SULT2B1: variants seen among roughly 807,000 people sequenced by gnomAD.
SULT2B1 encodes sulfotransferase 2B1.
Under a neutral mutation model 33.2 loss-of-function variants are expected in SULT2B1, and 16 were observed. That is an observed-to-expected ratio of 0.48 (90% CI 0.33 to 0.73). The LOEUF is 0.73. SULT2B1 is among the 30% of genes least tolerant of loss of function. The pLI is 0.02. For synonymous variants in SULT2B1, 186 were observed against 200.5 expected (o/e 0.93, Z 0.61); for missense variants, 500 against 506.0 (o/e 0.99, Z 0.11).
At chr19:48,563,399 G>C (rs1206044776) in intron 1 of SULT2B1, among the ~76,000 whole-genome samples, 1 of 152,026 alleles carries the variant, frequency 6.6e-6, no homozygotes, top group Admixed American at 6.6e-5. Context: ...AAACCGCCGA[G>C]GTGTCCATTA....
intron 2 of SULT2B1, among the ~76,000 whole-genome samples, chr19:48,577,382 T>TTTTTTTTTTG (rs1163610936): frequency 3.0e-5 from 4 of 132,528 alleles, no homozygotes; most frequent in Admixed American, 7.9e-5. Context: ...TTTTTTTTTT[T>TTTTTTTTTTG]AGAGACAGAG....
At chr19:48,558,218 A>G (rs1352135252) in intron 1 of SULT2B1, among the ~76,000 whole-genome samples, 1 of 152,200 alleles carries the variant, frequency 6.6e-6, no homozygotes, top group Non-Finnish European at 1.5e-5. Flanking sequence ...AGCAGGGCGT[A>G]GCCAGGATTT....
chr19:48,558,636 CCCTGCCAGTCATGAG>C (rs1973134698), intron 1 of SULT2B1, among the ~76,000 whole-genome samples: 1 of 151,906 alleles, frequency 6.6e-6, no homozygotes, highest in East Asian at 1.9e-4. Flanking sequence ...ATGGCCAAAG[CCCTGCCAGTCATGAG>C]GCTGCTTTTT....
At chr19:48,554,225 A>G (rs1400466325) in intron 1 of SULT2B1, among the ~76,000 whole-genome samples, 1 of 151,182 alleles carries the variant, frequency 6.6e-6, no homozygotes, top group African/African-American at 2.4e-5. Context: ...CTCCCCAGCG[A>G]GCCTGCTGGA....
At chr19:48,570,604 G>C (rs1023494197) in intron 1 of SULT2B1, among the ~76,000 whole-genome samples, 2 of 152,194 alleles carry the variant, frequency 1.3e-5, no homozygotes, top group Non-Finnish European at 2.9e-5. Context: ...CTATAAACAT[G>C]AGTGTAGATG....
intron 2 of SULT2B1, among the ~76,000 whole-genome samples, chr19:48,585,775 C>A (rs1471407243): frequency 1.3e-5 from 2 of 152,084 alleles, no homozygotes; most frequent in Admixed American, 1.3e-4. Flanking sequence ...CACATGTATA[C>A]ATATGTAACT....
intron 2 of SULT2B1, among the ~76,000 whole-genome samples, chr19:48,579,963 G>A (rs1286579013): frequency 4.0e-5 from 6 of 151,528 alleles, no homozygotes; most frequent in Non-Finnish European, 8.8e-5. Context: ...TCGATCTTTC[G>A]CTCAGGCTGG....
At chr19:48,558,216 G>A (rs1053045652) in intron 1 of SULT2B1, among the ~76,000 whole-genome samples, 3 of 152,316 alleles carry the variant, frequency 2.0e-5, no homozygotes, top group Non-Finnish European at 4.4e-5. Flanking sequence ...CAAGCAGGGC[G>A]TAGCCAGGAT....
intron 1 of SULT2B1, among the ~76,000 whole-genome samples, chr19:48,554,546 C>CCA (rs1185850769): frequency 6.7e-6 from 1 of 149,794 alleles, no homozygotes; most frequent in Non-Finnish European, 1.5e-5. Flanking sequence ...CTTGGCTGTC[C>CCA]CAGGCTGCTC....
chr19:48,573,322 C>T (rs1409607624), intron 1 of SULT2B1, among the ~76,000 whole-genome samples: 1 of 151,994 alleles, frequency 6.6e-6, no homozygotes, highest in South Asian at 2.1e-4. Flanking sequence ...CTTAATTGTC[C>T]CTTTCATTCC....
intron 1 of SULT2B1, among the ~76,000 whole-genome samples, chr19:48,561,686 G>A (rs548340494): frequency 1.4e-4 from 21 of 152,220 alleles, no homozygotes; most frequent in African/African-American, 4.6e-4. Context: ...AGTGGGACTC[G>A]GATGGGCAGG....
chr19:48,596,933 G>A lies in SULT2B1; in HGVS notation c.826+14G>A. 1.3e-6 allele frequency: 2 copies of A among 1,566,934 alleles called. No individual in the cohort carries two copies. The highest frequency in any genetic ancestry group is 2.0e-4 in the Middle Eastern group (1 of 5,078). The stretch of plus-strand genomic sequence containing the variant: ...TCCTCCGGAAAGGTGCGGGGGTTCT[G>A]GGGTTCAGAGCCCACTAGGCCACTG... On this transcript the variant is annotated intron_variant, in intron 6 of 6. Coordinates refer to ENST00000201586, the MANE Select transcript of SULT2B1 (RefSeq NM_177973.2).
chr19:48,561,510 G>GGA (rs200751025), intron 1 of SULT2B1, among the ~76,000 whole-genome samples: 1 of 151,468 alleles, frequency 6.6e-6, no homozygotes, highest in African/African-American at 2.4e-5. Flanking sequence ...ATGCTGGAAG[G>GGA]GAGAGAGAGA....
At chr19:48,558,509 G>A (rs1973132621) in intron 1 of SULT2B1, among the ~76,000 whole-genome samples, 1 of 152,010 alleles carries the variant, frequency 6.6e-6, no homozygotes, top group African/African-American at 2.4e-5. Context: ...AGTCCCTGGC[G>A]CCGGCACCTT....
At chr19:48,566,859 G>A (rs1973249835) in intron 1 of SULT2B1, among the ~76,000 whole-genome samples, 1 of 151,758 alleles carries the variant, frequency 6.6e-6, no homozygotes, top group African/African-American at 2.4e-5. Context: ...AAAAATTAGA[G>A]GGACGTGTTG....
At position 48,552,282 on chromosome 19, in the gene SULT2B1, G is replaced by A. The variant is rs369773263; in HGVS notation, c.30G>A (p.Pro10=). The A allele has an allele frequency of 9.9e-6, 16 of 1,613,844 alleles. No homozygotes were observed. The highest frequency in any genetic ancestry group is 4.5e-5 in the East Asian group (2 of 44,864). Residue 10 remains proline, a synonymous_variant, in exon 1 of 7, where the codon CCG becomes CCA. Transcript: ENST00000201586. The surrounding 1 kb of genome is among the most constrained non-coding windows in gnomAD (Gnocchi z 4.8). The part of the protein sequence containing the change: MDGPAEPQI[P]GLWDTYEDDI... ...ACGGGCCCGCCGAGCCCCAGATCCCGGGCTTGTGGGACACCTATGAAGATG... is the reference window on the plus strand; with the variant it reads ...ACGGGCCCGCCGAGCCCCAGATCCCAGGCTTGTGGGACACCTATGAAGATG...
At chr19:48,570,493 G>A (rs529872267) in intron 1 of SULT2B1, among the ~76,000 whole-genome samples, 6 of 151,642 alleles carry the variant, frequency 4.0e-5, no homozygotes, top group African/African-American at 1.5e-4. Context: ...CTTTTTCATC[G>A]CTGAGTAGTA....
intron 1 of SULT2B1, among the ~76,000 whole-genome samples, chr19:48,574,019 G>C (rs3760807): frequency 0.3 from 45,693 of 151,962 alleles, 7,074 homozygotes; most frequent in East Asian, 0.41. Flanking sequence ...TGCTACCACA[G>C]TCGGCTAATT....
Position 48,576,354 on chromosome 19 carries a change from C to CTTTTTTTTTTTTTTTTT in SULT2B1, c.214+273_214+274insTTTTTTTTTTTTTTTTT, listed in dbSNP as rs879507532. Among the ~76,000 whole-genome samples, 109 of 79,878 alleles carry CTTTTTTTTTTTTTTTTT rather than the reference C, an allele frequency of 1.4e-3. 11 individuals carry two copies. Among genetic ancestry groups the CTTTTTTTTTTTTTTTTT allele is most frequent in the South Asian group, 2.1e-3 (5 of 2,354 alleles). 52.4% of individuals were successfully genotyped at this position (79,878 alleles called of 152,430 possible). ...TCCTCCCTTTCCCCTTTACCCTCTACTTCTCTTTTTTTTTTTTTTTTTTGT... is the reference window on the plus strand; with the variant it reads ...TCCTCCCTTTCCCCTTTACCCTCTACTTTTTTTTTTTTTTTTTTTCTCTTTTTTTTTTTTTTTTTTGT... On this transcript the variant is annotated intron_variant, in intron 2 of 6. Coordinates refer to ENST00000201586, the MANE Select transcript of SULT2B1 (RefSeq NM_177973.2).
Sources: gnomAD v4.1 joint callset for allele counts (sites outside exome capture counted in the v4.1 genomes callset) on GRCh38, gnomAD v4.1.1 for gene constraint, Gnocchi (gnomAD v3.1) non-coding constraint, MANE v1.5 for transcripts, NCBI Gene and HGNC (gene_info 2026-07-23, HGNC 2026-07-21) for gene names.